The following PXT1 variants were observed in gnomAD, a reference collection of about 807,000 sequenced individuals.
PXT1 encodes the protein peroxisomal testis enriched protein 1.
Under a neutral mutation model 11.0 loss-of-function variants are expected in PXT1, and 11 were observed. That is an observed-to-expected ratio of 1.00 (90% CI 0.63 to 1.66). PXT1 has a LOEUF of 1.66. Ranked by LOEUF, PXT1 falls within the 40% of genes most tolerant of loss-of-function variation. The pLI is 0.00. For missense variants in PXT1, 141 were observed against 155.5 expected (o/e 0.91, Z 0.49); for synonymous variants, 43 against 51.4 (o/e 0.84, Z 0.70).
intron 3 of PXT1, among the ~76,000 whole-genome samples, chr6:36,417,730 T>G (rs1213183840): frequency 7.5e-6 from 1 of 133,428 alleles, no homozygotes; most frequent in Admixed American, 8.2e-5. Context: ...ATTGCACCAA[T>G]GCACTCCAGC....
At chr6:36,429,523 G>A (rs975362057) in intron 2 of PXT1, among the ~76,000 whole-genome samples, 1 of 26,038 alleles carries the variant, frequency 3.8e-5, no homozygotes, top group African/African-American at 2.3e-4. Context: ...TTTTTTTTTT[G>A]AGATGGAGTT....
Position 36,400,458 on chromosome 6 carries a change from C to G in PXT1, c.296G>C (p.Arg99Pro). The G allele has an allele frequency of 6.2e-7, 1 of 1,613,478 alleles. No homozygotes were observed. Among genetic ancestry groups the G allele is most frequent in the Non-Finnish European group, 8.5e-7 (1 of 1,179,584 alleles). ...CTGGGGAAACTGAAGCCTCACCTCT[C>G]GAACCATCCTATGATCAATGTTGTC... ...IGDNIDHRMV[R>P]EDLQQDGRDA... The change falls in exon 4 of 5, where the codon CGA (arginine) becomes CCA (proline). Residue 99 changes from arginine to proline, a missense_variant. By Grantham distance (103) the Arg-to-Pro change is moderately radical. Transcript: ENST00000454782.
chr6:36,417,960 G>C (rs1366422146), intron 3 of PXT1, among the ~76,000 whole-genome samples: 1 of 152,048 alleles, frequency 6.6e-6, no homozygotes, highest in Non-Finnish European at 1.5e-5. Context: ...ACTCTGGGAG[G>C]CTGAGGCGGG....
chr6:36,405,674 T>A (rs7773253), intron 3 of PXT1, among the ~76,000 whole-genome samples: 38,942 of 152,130 alleles, frequency 0.26, 5,034 homozygotes, highest in East Asian at 0.39. Flanking sequence ...TACAGTAACA[T>A]CCTAGGCTTT....
intron 3 of PXT1, among the ~76,000 whole-genome samples, chr6:36,415,313 C>G (rs1278481480): frequency 1.3e-5 from 2 of 152,032 alleles, no homozygotes; most frequent in African/African-American, 4.8e-5. Flanking sequence ...CATGGTGGCG[C>G]GTGCCTGTAA....
In PXT1 at chr6:36,425,997, A is replaced by G; in HGVS notation, c.86T>C (p.Leu29Pro). 6.5e-7 allele frequency: 1 copy of G among 1,533,478 alleles called. No individual in the cohort carries two copies. The highest frequency in any genetic ancestry group is 8.7e-7 in the Non-Finnish European group (1 of 1,145,124). The allele number at this position is 1,533,478 out of a possible 1,614,324, so 95.0% of individuals were successfully genotyped here. Residue 29 changes from leucine (L) to proline (P), a missense_variant, in exon 3 of 5, where the codon CTG becomes CCG. Physicochemically the swap from Leu to Pro is moderately conservative, Grantham distance 98. Transcript: ENST00000454782. ...CTTCTGAAAACTGTATTTTAACCAC[A>G]GTGATTTGCAACAATGTGTTACTTT... is the stretch of plus-strand genomic sequence containing the variant. ...SPKVTHCCKSLWLKYSFQKAY... is the reference protein window; with the variant it reads ...SPKVTHCCKSPWLKYSFQKAY...
chr6:36,420,561 G>A (rs1774509491), intron 3 of PXT1, among the ~76,000 whole-genome samples: 2 of 152,134 alleles, frequency 1.3e-5, no homozygotes, highest in African/African-American at 4.8e-5. Flanking sequence ...TAGGGAACTG[G>A]GGGAGTGAGA....
chr6:36,419,719 T>C (rs1203131893), intron 3 of PXT1, among the ~76,000 whole-genome samples: 1 of 152,222 alleles, frequency 6.6e-6, no homozygotes, highest in East Asian at 1.9e-4. Context: ...TGTAGCTTTA[T>C]CTAAAAACAG....
chr6:36,393,325 C>G (rs1774097506), intron 4 of PXT1: 1 of 153,438 alleles, frequency 6.5e-6, no homozygotes. Flanking sequence ...GGCCTCCTTG[C>G]CATTCTTCAA....
intron 2 of PXT1, among the ~76,000 whole-genome samples, chr6:36,427,680 T>A (rs1043884416): frequency 6.6e-6 from 1 of 152,222 alleles, no homozygotes; most frequent in African/African-American, 2.4e-5. Flanking sequence ...TAAAAAATTA[T>A]TAATGAAATA....
intron 2 of PXT1, among the ~76,000 whole-genome samples, chr6:36,435,676 T>TAC (rs1323530518): frequency 6.6e-6 from 1 of 151,930 alleles, no homozygotes; most frequent in Non-Finnish European, 1.5e-5. Flanking sequence ...TAAACCAATA[T>TAC]ACACACACAC....
At chr6:36,416,920 G>A (rs533227788) in intron 3 of PXT1, among the ~76,000 whole-genome samples, 15 of 152,346 alleles carry the variant, frequency 9.8e-5, no homozygotes, top group African/African-American at 3.4e-4. Context: ...AAGACTGGGT[G>A]AGAAGAAGAC....
chr6:36,411,415 C>G (rs188000371), intron 3 of PXT1, among the ~76,000 whole-genome samples: 127 of 152,328 alleles, frequency 8.3e-4, no homozygotes, highest in Non-Finnish European at 1.5e-3. Flanking sequence ...CCCGCCACTG[C>G]ACTTCAGCCT....
At chr6:36,429,644 T>G (rs1447956554) in intron 2 of PXT1, among the ~76,000 whole-genome samples, 2 of 150,982 alleles carry the variant, frequency 1.3e-5, no homozygotes, top group Non-Finnish European at 3.0e-5. Flanking sequence ...TAGCTGGGAT[T>G]ACAGGTGCAC....
chr6:36,420,271 G>A (rs1774505919), intron 3 of PXT1, among the ~76,000 whole-genome samples: 1 of 152,196 alleles, frequency 6.6e-6, no homozygotes, highest in South Asian at 2.1e-4. Flanking sequence ...ATTGGAAACA[G>A]CCCAAGTGTA....
intron 3 of PXT1, among the ~76,000 whole-genome samples, chr6:36,421,417 C>T (rs899196755): frequency 2.6e-5 from 4 of 151,958 alleles, no homozygotes; most frequent in Non-Finnish European, 5.9e-5. Context: ...GCTATGATCG[C>T]GCCACTGCAC....
intron 3 of PXT1, among the ~76,000 whole-genome samples, chr6:36,411,222 G>T (rs1774370560): frequency 1.3e-5 from 2 of 152,174 alleles, no homozygotes; most frequent in Admixed American, 1.3e-4. Context: ...GGCCAAGGTG[G>T]GTGGATCACC....
chr6:36,391,544 G>C lies in PXT1; in HGVS notation c.*226C>G. On this transcript the variant is annotated 3_prime_UTR_variant, in exon 5 of 5. Transcript: ENST00000454782. ...CTTCCTGGGGTCCTAATTACTCCTT[G>C]GGCTTTACCGTGATGTGATCGCAGA... 2 of 530,976 alleles carry C rather than the reference G, an allele frequency of 3.8e-6. No homozygotes were observed. Among genetic ancestry groups the C allele is most frequent in the Non-Finnish European group, 6.7e-6 (2 of 299,976 alleles). The allele number at this position is 530,976 out of a possible 1,614,324, so 32.9% of individuals were successfully genotyped here.
rs1774811314 is a variant in PXT1 at position 36,438,762 on chromosome 6, C to T, written c.-10+5G>A. ...CATGTTTTAATGCAGTAAGTTCAGA[C>T]TTACTTTTCCAAGTATGTTGAGCCC... On this transcript the variant is annotated splice_donor_5th_base_variant and intron_variant, in intron 2 of 4. Transcript: ENST00000454782. 6.6e-6 allele frequency: 1 copy of T among 152,148 alleles called. No homozygotes were observed. Among genetic ancestry groups the T allele is most frequent in the South Asian group, 2.1e-4 (1 of 4,830 alleles). The allele number at this position is 152,148 out of a possible 1,614,324, so 9.4% of individuals were successfully genotyped here.
Sources: gnomAD v4.1 joint callset for allele counts (sites outside exome capture counted in the v4.1 genomes callset) on GRCh38, gnomAD v4.1.1 for gene constraint, MANE v1.5 for transcripts, NCBI Gene and HGNC (gene_info 2026-07-23, HGNC 2026-07-21) for gene names.